The following CSMD3 variants were observed in gnomAD, a reference collection of about 807,000 sequenced individuals.
CSMD3 encodes CUB and sushi domain-containing protein 3.
In CSMD3, 177 loss-of-function variants were observed where a neutral mutation model predicts 435.2. The ratio of observed to expected loss-of-function variants is 0.41; its 90% confidence interval spans 0.36 to 0.46. CSMD3 has a LOEUF of 0.46. CSMD3 is among the 20% of genes least tolerant of loss of function. CSMD3 has a pLI of 0.34. For synonymous variants in CSMD3, 1,656 were observed against 1,520.5 expected, an observed-to-expected ratio of 1.09 and a Z score of -2.07; for missense variants, 4,265 against 4,504.6, an observed-to-expected ratio of 0.95 and a Z score of 1.52.
At chr8:112,681,659 A>C (rs1287963262) in intron 16 of CSMD3, among the ~76,000 whole-genome samples, 1 of 152,058 alleles carries the variant, frequency 6.6e-6, no homozygotes, top group African/African-American at 2.4e-5. Context: ...TGATATCAAG[A>C]GTTTGAGACC....
intron 13 of CSMD3, among the ~76,000 whole-genome samples, chr8:112,722,071 C>T (rs551083497): frequency 2.6e-5 from 4 of 151,418 alleles, no homozygotes; most frequent in South Asian, 2.1e-4. Flanking sequence ...AAAATCCATA[C>T]ATAAGGCTGT....
intron 42 of CSMD3, among the ~76,000 whole-genome samples, chr8:112,339,609 A>G (rs1335079842): frequency 1.3e-5 from 2 of 152,156 alleles, no homozygotes; most frequent in East Asian, 1.9e-4. Flanking sequence ...TGCAGTCACA[A>G]TCTTGTACCG....
At chr8:113,230,697 T>G (rs544404965) in intron 3 of CSMD3, among the ~76,000 whole-genome samples, 1 of 151,686 alleles carries the variant, frequency 6.6e-6, no homozygotes, top group Non-Finnish European at 1.5e-5. Flanking sequence ...ACACTGACTC[T>G]CAGCAAGTTT....
intron 10 of CSMD3, among the ~76,000 whole-genome samples, chr8:112,873,492 C>T (rs2130080807): frequency 6.6e-6 from 1 of 152,128 alleles, no homozygotes; most frequent in African/African-American, 2.4e-5. Context: ...ATCCTTACTT[C>T]TATTAGTGCA....
chr8:112,488,035 T>C (rs1441182503), intron 31 of CSMD3, among the ~76,000 whole-genome samples: 1 of 152,206 alleles, frequency 6.6e-6, no homozygotes, highest in East Asian at 1.9e-4. Flanking sequence ...TCTGCTATTA[T>C]TTAATATATA....
chr8:112,827,724 T>C (rs960322384), intron 12 of CSMD3, among the ~76,000 whole-genome samples: 2 of 152,100 alleles, frequency 1.3e-5, no homozygotes, highest in African/African-American at 4.8e-5. Context: ...AAGAAAGCAA[T>C]CCACATTTTG....
intron 6 of CSMD3, among the ~76,000 whole-genome samples, chr8:112,998,525 C>T (rs1481908153): frequency 6.6e-6 from 1 of 151,968 alleles, no homozygotes; most frequent in East Asian, 1.9e-4. Context: ...TTCTTCTCTT[C>T]CCTCTTCACT....
rs767244069 is a variant in CSMD3 at position 112,947,891 on chromosome 8, G to GA, written c.1421-15dup. On this transcript the variant is annotated splice_polypyrimidine_tract_variant and intron_variant, in intron 8 of 70. Transcript: ENST00000297405. ...CTCCCTCATTTACTGCAACAGCAGGGAAAAAAGAAAAAAGAAACAAAATAT... is the reference window on the plus strand; with the variant it reads ...CTCCCTCATTTACTGCAACAGCAGGGAAAAAAAGAAAAAAGAAACAAAATAT... 8.0e-6 allele frequency: 8 copies of GA among 1,000,294 alleles called. No individual in the cohort carries two copies. The highest frequency in any genetic ancestry group is 1.3e-5 in the Non-Finnish European group (8 of 628,174). 62.0% of individuals were successfully genotyped at this position (1,000,294 alleles called of 1,614,324 possible). A position where few individuals can be genotyped will look rare whatever the true frequency, so the allele number is the denominator to read the frequency against.
At chr8:112,642,231 T>C (rs2131601728) in intron 20 of CSMD3, among the ~76,000 whole-genome samples, 1 of 152,266 alleles carries the variant, frequency 6.6e-6, no homozygotes, top group East Asian at 1.9e-4. Flanking sequence ...TGGACTATGC[T>C]TTATTTAAGG....
chr8:113,372,874 C>T lies in CSMD3; in HGVS notation c.179-58081G>A, dbSNP rs1175187915. On this transcript the variant is annotated intron_variant, in intron 1 of 70. Transcript: ENST00000297405. ...GCGTGAACCCGGGAAGCGGAGCTTGCAGTGAGCCGAGATTGCGCCACTGCA... is the reference window on the plus strand; with the variant it reads ...GCGTGAACCCGGGAAGCGGAGCTTGTAGTGAGCCGAGATTGCGCCACTGCA... Among the ~76,000 whole-genome samples, 3 of 147,512 alleles carry T rather than the reference C, an allele frequency of 2.0e-5. No individual in the cohort carries two copies. In the Admixed American group the frequency reaches 2.1e-4, roughly 10 times the overall value.
intron 10 of CSMD3, 36 bp from the exon 11 acceptor site, chr8:112,859,302 T>C: frequency 6.3e-7 from 1 of 1,579,174 alleles, no homozygotes; most frequent in Non-Finnish European, 8.7e-7. Flanking sequence ...GATGAACATA[T>C]GTCACATGTA....
At chr8:112,795,354 ATAAT>A in intron 13 of CSMD3, among the ~76,000 whole-genome samples, 1 of 152,202 alleles carries the variant, frequency 6.6e-6, no homozygotes, top group Admixed American at 6.6e-5. Flanking sequence ...AAGGAGAGAC[ATAAT>A]TAAATACATG....
In CSMD3 at chr8:112,336,696, A is replaced by C. The variant is rs1230324781; in HGVS notation, c.6975T>G (p.Phe2325Leu). 6.2e-7 allele frequency: 1 copy of C among 1,613,126 alleles called. No homozygotes were observed. Among genetic ancestry groups the C allele is most frequent in the Admixed American group, 1.7e-5 (1 of 60,006 alleles). Residue 2325 changes from phenylalanine (F) to leucine (L), a missense_variant, in exon 44 of 71, where the codon TTT becomes TTG. By Grantham distance (22) the Phe-to-Leu change is conservative. This residue lies in a region of CSMD3 where 3,255 missense variants were observed against 3,380.2 expected (regional missense o/e 0.96). Transcript: ENST00000297405. The part of the protein sequence containing the change: ...VPPGNGIYIN[F>L]TVLQTEPIYD... ...ATATTGGTTCTGTTTGAAGGACAGT[A>C]AAATTGATGTAGATGCCATTCCCAG...
intron 65 of CSMD3, among the ~76,000 whole-genome samples, chr8:112,242,331 A>G (rs1420093451): frequency 6.6e-6 from 1 of 152,124 alleles, no homozygotes; most frequent in African/African-American, 2.4e-5. Context: ...ATATTATAGG[A>G]GCTATGACAT....
intron 4 of CSMD3, among the ~76,000 whole-genome samples, chr8:113,159,948 A>G (rs1392167851): frequency 6.6e-6 from 1 of 151,904 alleles, no homozygotes; most frequent in African/African-American, 2.4e-5. Context: ...GTCAGAATAT[A>G]TATATATATA....
intron 10 of CSMD3, among the ~76,000 whole-genome samples, chr8:112,914,778 C>CAT (rs2082527054): frequency 6.6e-6 from 1 of 151,714 alleles, no homozygotes; most frequent in Non-Finnish European, 1.5e-5. Flanking sequence ...ATTTTGAGTG[C>CAT]ATATACATAG....
chr8:112,594,183 G>C (rs1346499164), intron 22 of CSMD3, among the ~76,000 whole-genome samples: 1 of 152,174 alleles, frequency 6.6e-6, no homozygotes, highest in African/African-American at 2.4e-5. Context: ...AGCCGAAGCA[G>C]GGCGAGGCAT....
chr8:112,490,902 C>A (rs963008829), intron 31 of CSMD3, among the ~76,000 whole-genome samples: 1 of 152,060 alleles, frequency 6.6e-6, no homozygotes, highest in Non-Finnish European at 1.5e-5. Context: ...CTCTTTGGAA[C>A]AATTAATCCC....
chr8:112,703,049 G>C (rs974322536), intron 13 of CSMD3, among the ~76,000 whole-genome samples: 1 of 152,068 alleles, frequency 6.6e-6, no homozygotes, highest in African/African-American at 2.4e-5. Context: ...AAAAAATTTA[G>C]CTAGCATCCT....
Sources: allele counts gnomAD v4.1 joint callset (sites outside exome capture counted in the v4.1 genomes callset), GRCh38; gene constraint gnomAD v4.1.1; regional missense constraint gnomAD v4.1.1; transcripts MANE v1.5; gene names NCBI Gene and HGNC (gene_info 2026-07-23, HGNC 2026-07-21).